EFEMP1: variants seen among roughly 807,000 people sequenced by gnomAD.
EFEMP1 encodes the protein EGF-like fibulin extracellular matrix protein 1, also known as EGF-containing fibulin-like extracellular matrix protein 1.
A neutral mutation model predicts 65.7 loss-of-function variants in EFEMP1; 18 were observed. That is an observed-to-expected ratio of 0.27 (90% CI 0.19 to 0.41). The LOEUF is 0.41. EFEMP1 is among the 10% of genes least tolerant of loss of function. EFEMP1 has a pLI of 1.00. For missense variants in EFEMP1, 469 were observed against 624.8 expected (o/e 0.75, Z 2.66); for synonymous variants, 237 against 219.7 (o/e 1.08, Z -0.70).
At chr2:55,896,504 C>A (rs1411328429) in intron 5 of EFEMP1, among the ~76,000 whole-genome samples, 1 of 152,156 alleles carries the variant, frequency 6.6e-6, no homozygotes, top group Admixed American at 6.5e-5. Context: ...ACTTCTGTAG[C>A]TTTTCCTTGA....
At chr2:55,902,577 A>G (rs1198499116) in intron 5 of EFEMP1, among the ~76,000 whole-genome samples, 1 of 152,246 alleles carries the variant, frequency 6.6e-6, no homozygotes, top group East Asian at 1.9e-4. Context: ...ACAATACCGT[A>G]ATTACCCATG....
intron 5 of EFEMP1, among the ~76,000 whole-genome samples, chr2:55,909,833 T>C (rs1288833918): frequency 6.6e-6 from 1 of 152,188 alleles, no homozygotes; most frequent in Non-Finnish European, 1.5e-5. Flanking sequence ...CTTTTATTAT[T>C]TGATAACTCA....
intron 3 of EFEMP1, among the ~76,000 whole-genome samples, chr2:55,920,499 A>G (rs1670875252): frequency 6.6e-6 from 1 of 152,220 alleles, no homozygotes; most frequent in Admixed American, 6.5e-5. Flanking sequence ...ACCATCTTTA[A>G]TATGGAAGAG....
chr2:55,874,796 T>C (rs1157566549), intron 9 of EFEMP1, 150 bp downstream of exon 9: 5 of 728,382 alleles, frequency 6.9e-6, no homozygotes, highest in Middle Eastern at 4.5e-4. Flanking sequence ...ATGAGATGTA[T>C]ATATTTTATG....
intron 5 of EFEMP1, among the ~76,000 whole-genome samples, chr2:55,882,582 A>C (rs1669281267): frequency 6.6e-6 from 1 of 152,186 alleles, no homozygotes; most frequent in South Asian, 2.1e-4. Flanking sequence ...ATTTACAGTA[A>C]TTTATAAGTA....
chr2:55,870,803 T>C lies in EFEMP1; in HGVS notation c.1237A>G (p.Ile413Val). 6.2e-7 allele frequency: 1 copy of C among 1,613,932 alleles called. No homozygotes were observed. The highest frequency in any genetic ancestry group is 8.5e-7 in the Non-Finnish European group (1 of 1,179,856). The change falls in exon 11 of 12, where the codon ATA (isoleucine) becomes GTA (valine). Residue 413 changes from isoleucine to valine, a missense_variant. Physicochemically the swap from Ile to Val is conservative, Grantham distance 29. Around this residue, in one of 3 missense-constraint regions of EFEMP1, gnomAD observed 399 missense variants for 528.2 expected, o/e 0.76. Coordinates refer to ENST00000355426, the MANE Select transcript of EFEMP1 (RefSeq NM_001039348.3). This position sits in a 1 kb window ranked among gnomAD's most constrained non-coding sequence, Gnocchi z 5.8. The part of the protein sequence containing the change: ...DRSVPSDIFQ[I>V]QATTIYANTI... ...TTGGCATAAATAGTTGTGGCCTGTA[T>C]CTGGAAGATGTCTGATGGCACAGAC...
At chr2:55,913,604 CT>C (rs5831387) in intron 5 of EFEMP1, among the ~76,000 whole-genome samples, 59 of 147,390 alleles carry the variant, frequency 4.0e-4, no homozygotes, top group East Asian at 1.2e-3. Context: ...TCCCAAATGA[CT>C]TTTTTTTTTT....
rs1376670651 is a variant in EFEMP1, at chr2:55,923,674, G to A, written c.-49+37C>T. 1 of 985,680 alleles carries A rather than the reference G, an allele frequency of 1.0e-6. No individual in the cohort carries two copies. The highest frequency in any genetic ancestry group is 6.1e-5 in the Admixed American group (1 of 16,268). 61.1% of individuals were successfully genotyped at this position (985,680 alleles called of 1,614,324 possible). A position where few individuals can be genotyped will look rare whatever the true frequency, so the allele number is the denominator to read the frequency against. ...CCCGCGCGCGGCCCAGTGAGTACTG[G>A]GCTCGCTCGGGGCGACCCCCCGTTG... On this transcript the variant is annotated intron_variant, in intron 1 of 11. Transcript: ENST00000355426. This position sits in a 1 kb window ranked among gnomAD's most constrained non-coding sequence, Gnocchi z 5.3.
chr2:55,879,032 C>T (rs1377076905), intron 6 of EFEMP1, among the ~76,000 whole-genome samples: 1 of 152,202 alleles, frequency 6.6e-6, no homozygotes, highest in Non-Finnish European at 1.5e-5. Context: ...AGGGTGGCCA[C>T]CTTTCCCACC....
Position 55,921,943 on chromosome 2 carries a change from A to G in EFEMP1, c.81+417T>C. On this transcript the variant is annotated intron_variant, in intron 3 of 11. Coordinates refer to ENST00000355426, the MANE Select transcript of EFEMP1 (RefSeq NM_001039348.3). The surrounding 1 kb of genome is among the most constrained non-coding windows in gnomAD (Gnocchi z 4.1). Reference sequence around the variant, plus strand: ...GCATGTCATGTACACAAAGAAGGCCATGTGTCTTTATGGTGTTTAACGTTC... The same window carrying G: ...GCATGTCATGTACACAAAGAAGGCCGTGTGTCTTTATGGTGTTTAACGTTC... 4.4e-6 allele frequency: 1 copy of G among 228,564 alleles called. No individual in the cohort carries two copies. The highest frequency in any genetic ancestry group is 8.8e-6 in the Non-Finnish European group (1 of 113,162). 14.2% of individuals were successfully genotyped at this position (228,564 alleles called of 1,614,324 possible). A position where few individuals can be genotyped will look rare whatever the true frequency, so the allele number is the denominator to read the frequency against.
intron 5 of EFEMP1, among the ~76,000 whole-genome samples, chr2:55,890,389 C>G (rs1669587633): frequency 6.6e-6 from 1 of 151,988 alleles, no homozygotes; most frequent in South Asian, 2.1e-4. Flanking sequence ...AAGATTTTAA[C>G]ACACTTCTCC....
At chr2:55,903,986 G>C (rs191366751) in intron 5 of EFEMP1, among the ~76,000 whole-genome samples, 1 of 152,016 alleles carries the variant, frequency 6.6e-6, no homozygotes, top group Admixed American at 6.6e-5. Context: ...CTCTTACAGG[G>C]GGTCCTGTCT....
intron 5 of EFEMP1, among the ~76,000 whole-genome samples, chr2:55,882,747 TA>T (rs1223031097): frequency 6.6e-6 from 1 of 152,128 alleles, no homozygotes; most frequent in Non-Finnish European, 1.5e-5. Flanking sequence ...TTGTGATTCC[TA>T]GATGACAATT....
chr2:55,875,308 T>C lies in EFEMP1; in HGVS notation c.881-243A>G, dbSNP rs555401778. On this transcript the variant is annotated intron_variant, in intron 8 of 11. Transcript: ENST00000355426. ...CCTGCTACTGTGTGACTTGGGCACA[T>C]TTCTTAAGTTGCCTGGGTTTCATAT... Among the ~76,000 whole-genome samples the C allele has an allele frequency of 1.3e-5, 2 of 148,398 alleles. 1 individual carries two copies. The highest frequency in any genetic ancestry group is 5.0e-5 in the African/African-American group (2 of 39,610).
At chr2:55,892,424 A>C (rs1489234095) in intron 5 of EFEMP1, among the ~76,000 whole-genome samples, 1 of 152,066 alleles carries the variant, frequency 6.6e-6, no homozygotes, top group South Asian at 2.1e-4. Flanking sequence ...GGCCATGGTC[A>C]TGGATCTCCA....
At position 55,922,950 on chromosome 2, in the gene EFEMP1, A is replaced by T. The variant is rs756771902; in HGVS notation, c.-48-11T>A. The stretch of plus-strand genomic sequence containing the variant: ...GCACAGCAAAAATACCTGTGAGCCA[A>T]TATGAATTGCCTTGGCCTCAAGCTT... On this transcript the variant is annotated splice_polypyrimidine_tract_variant and intron_variant, in intron 1 of 11. Coordinates refer to ENST00000355426, the MANE Select transcript of EFEMP1 (RefSeq NM_001039348.3). This position sits in a 1 kb window ranked among gnomAD's most constrained non-coding sequence, Gnocchi z 5.5. The T allele has an allele frequency of 9.8e-6, 10 of 1,018,420 alleles. No homozygotes were observed. In the South Asian group the frequency reaches 3.2e-4, roughly 32 times the overall value. The allele number at this position is 1,018,420 out of a possible 1,614,324, so 63.1% of individuals were successfully genotyped here. A position where few individuals can be genotyped will look rare whatever the true frequency, so the allele number is the denominator to read the frequency against.
In EFEMP1 at chr2:55,866,827, C is replaced by T. The variant is rs1438137326; in HGVS notation, c.*246G>A. On this transcript the variant is annotated 3_prime_UTR_variant, in exon 12 of 12. Coordinates refer to ENST00000355426, the MANE Select transcript of EFEMP1 (RefSeq NM_001039348.3). ...TCCAAGTTTCACCAGATAGTGTATA[C>T]TTAGCTCTCTTGAAGAAGACCAGTT... The T allele has an allele frequency of 1.1e-5, 5 of 468,864 alleles. No homozygotes were observed. The East Asian group carries it at 1.7e-4, about 16-fold the overall frequency. The allele number at this position is 468,864 out of a possible 1,614,324, so 29.0% of individuals were successfully genotyped here.
intron 5 of EFEMP1, among the ~76,000 whole-genome samples, chr2:55,897,311 G>C (rs1669865666): frequency 6.6e-6 from 1 of 152,130 alleles, no homozygotes; most frequent in African/African-American, 2.4e-5. Context: ...CTAGTCTGGG[G>C]TTTTGTGCTA....
Position 55,877,891 on chromosome 2 carries a change from GA to G in EFEMP1, c.641-27del, listed in dbSNP as rs1373111795. ...CTAGGTTATCAGGCACACACACAAAGAGAACCAAATTATTGAATTAGCATTC... is the reference window on the plus strand; with the variant it reads ...CTAGGTTATCAGGCACACACACAAAGGAACCAAATTATTGAATTAGCATTC... On this transcript the variant is annotated intron_variant, in intron 6 of 11. Transcript: ENST00000355426. The surrounding 1 kb of genome is among the most constrained non-coding windows in gnomAD (Gnocchi z 4.5). 15 of 1,611,700 alleles carry G rather than the reference GA, an allele frequency of 9.3e-6. No homozygotes were observed. The highest frequency in any genetic ancestry group is 1.3e-5 in the African/African-American group (1 of 74,828).
Sources: allele counts gnomAD v4.1 joint callset (sites outside exome capture counted in the v4.1 genomes callset), GRCh38; gene constraint gnomAD v4.1.1; regional missense constraint gnomAD v4.1.1; non-coding constraint Gnocchi (gnomAD v3.1); transcripts MANE v1.5; gene names NCBI Gene and HGNC (gene_info 2026-07-23, HGNC 2026-07-21).